Variants in ZNF469 observed in about 807,000 individuals in gnomAD.
ZNF469 encodes the protein zinc finger protein 469.
In ZNF469, 1 loss-of-function variant was observed where a neutral mutation model predicts 1.0. The observed-to-expected ratio is 1.00, with a 90% CI of 0.35 to 4.73. The LOEUF is 4.73. ZNF469 is among the 30% of genes most tolerant of loss of function. The probability of loss-of-function intolerance (pLI) is 0.16; values close to 1 mark genes in which losing one functional copy is unlikely to be tolerated. For synonymous variants in ZNF469, 2,703 were observed against 2,363.4 expected, an observed-to-expected ratio of 1.14 and a Z score of -4.17; for missense variants, 6,100 against 5,356.3, an observed-to-expected ratio of 1.14 and a Z score of -4.33.
chr16:88,137,497 A>G, the ZNF469 span, among the ~76,000 whole-genome samples: 1 of 150,398 alleles, frequency 6.6e-6, no homozygotes, highest in Non-Finnish European at 1.5e-5. Flanking sequence ...TGCACATATG[A>G]CCGTGTGTGC....
At chr16:88,190,045 C>T in the ZNF469 span, among the ~76,000 whole-genome samples, 1 of 126,254 alleles carries the variant, frequency 7.9e-6, no homozygotes, top group South Asian at 2.9e-4. Context: ...CTACTTTTCT[C>T]TCTCTTGTTG....
the ZNF469 span, among the ~76,000 whole-genome samples, chr16:88,184,128 T>G: frequency 1.3e-5 from 2 of 151,964 alleles, no homozygotes; most frequent in African/African-American, 4.8e-5. Context: ...GTGGCCCCCG[T>G]GTAAACAGAC....
intron 1 of ZNF469, among the ~76,000 whole-genome samples, chr16:88,407,914 G>A (rs1003615843): frequency 6.6e-6 from 1 of 152,270 alleles, no homozygotes; most frequent in African/African-American, 2.4e-5. Context: ...ACCCGGCCAT[G>A]CCTGCACGTG....
chr16:88,208,925 C>T, the ZNF469 span, among the ~76,000 whole-genome samples: 2 of 151,694 alleles, frequency 1.3e-5, no homozygotes, highest in African/African-American at 4.8e-5. Flanking sequence ...GGTCTGCCCT[C>T]TACCATTCTC....
At chr16:88,130,192 C>T in the ZNF469 span, among the ~76,000 whole-genome samples, 3 of 152,124 alleles carry the variant, frequency 2.0e-5, no homozygotes, top group African/African-American at 4.8e-5. Context: ...GGGGTGCGTG[C>T]GCAGGAAACG....
At chr16:88,287,276 G>C in the ZNF469 span, among the ~76,000 whole-genome samples, 29 of 152,364 alleles carry the variant, frequency 1.9e-4, no homozygotes, top group African/African-American at 7.0e-4. Context: ...AACGGACACA[G>C]GAGTTTCCAG....
the ZNF469 span, among the ~76,000 whole-genome samples, chr16:88,346,476 C>T: frequency 6.6e-6 from 1 of 152,258 alleles, no homozygotes; most frequent in African/African-American, 2.4e-5. Context: ...AGCCACAGAG[C>T]AAACCCTACA....
chr16:88,322,409 C>G, the ZNF469 span, among the ~76,000 whole-genome samples: 11 of 152,242 alleles, frequency 7.2e-5, no homozygotes, highest in African/African-American at 2.7e-4. Flanking sequence ...TCTCGGGAGC[C>G]CCGCCCTGCC....
In ZNF469 at chr16:88,438,633, C is replaced by T. The variant is rs758259528; in HGVS notation, c.11163C>T (p.Pro3721=). ...GTGGCACAGAGAATGGGATGAAGCC[C>T]GCCACCCCCAAAGCCAAACCCGGCC... The part of the protein sequence containing the change: ...LARGTENGMK[P]ATPKAKPGPS... Residue 3721 remains proline, a synonymous_variant, in exon 3 of 3, where the codon CCC becomes CCT. Transcript: ENST00000565624. 4.8e-5 allele frequency: 75 copies of T among 1,549,930 alleles called. No individual in the cohort carries two copies. The highest frequency in any genetic ancestry group is 3.3e-4 in the Middle Eastern group (2 of 6,014).
At position 88,429,609 on chromosome 16, in the gene ZNF469, C is replaced by T; in HGVS notation, c.2139C>T (p.Pro713=). 3 of 1,548,230 alleles carry T rather than the reference C, an allele frequency of 1.9e-6. No individual in the cohort carries two copies. The East Asian group carries it at 7.3e-5, about 38-fold the overall frequency. Residue 713 remains proline, a synonymous_variant, in exon 3 of 3, where the codon CCC becomes CCT. Coordinates refer to ENST00000565624, the MANE Select transcript of ZNF469 (RefSeq NM_001367624.2). ...QGFPRAPPPY[P]THHFSLSSAS... ...TCCCCCGTGCGCCGCCTCCGTACCCCACACACCACTTCTCCCTCAGCAGCG... is the reference window on the plus strand; with the variant it reads ...TCCCCCGTGCGCCGCCTCCGTACCCTACACACCACTTCTCCCTCAGCAGCG...
the ZNF469 span, among the ~76,000 whole-genome samples, chr16:88,276,925 A>C: frequency 4.7e-5 from 7 of 149,770 alleles, no homozygotes; most frequent in African/African-American, 1.7e-4. Context: ...ACTTATGCTC[A>C]GTCAGTACCA....
chr16:88,392,360 C>T (rs540416932), intron 1 of ZNF469, among the ~76,000 whole-genome samples: 8 of 152,392 alleles, frequency 5.2e-5, no homozygotes, highest in Middle Eastern at 3.4e-3. Flanking sequence ...TGATGCCAAA[C>T]GCCTAGCGTA....
chr16:88,185,058 CACAG>C, the ZNF469 span, among the ~76,000 whole-genome samples: 22 of 149,320 alleles, frequency 1.5e-4, no homozygotes, highest in South Asian at 6.5e-4. Flanking sequence ...GACACCCACG[CACAG>C]ACACTCACAC....
At chr16:88,402,568 G>T (rs1015637287) in intron 1 of ZNF469, among the ~76,000 whole-genome samples, 2 of 152,154 alleles carry the variant, frequency 1.3e-5, no homozygotes, top group African/African-American at 4.8e-5. Flanking sequence ...CCCTCTGTGA[G>T]TAGAGACTTT....
the ZNF469 span, among the ~76,000 whole-genome samples, chr16:88,173,745 A>T: frequency 1.3e-5 from 2 of 152,232 alleles, no homozygotes; most frequent in Non-Finnish European, 2.9e-5. Context: ...CCTACACTCT[A>T]TGTGAAGTGG....
At position 88,440,749 on chromosome 16, in the gene ZNF469, G is replaced by T. The variant is rs1015277559; in HGVS notation, c.*1417G>T. On this transcript the variant is annotated 3_prime_UTR_variant, in exon 3 of 3. Coordinates refer to ENST00000565624, the MANE Select transcript of ZNF469 (RefSeq NM_001367624.2). The stretch of plus-strand genomic sequence containing the variant: ...CAAATATATTCCCACTATTTTCGCA[G>T]AAAACCTCCAGCTGCGTGACGTCTG... The T allele has an allele frequency of 6.6e-6, 1 of 152,084 alleles. No homozygotes were observed. Among genetic ancestry groups the T allele is most frequent in the Non-Finnish European group, 1.5e-5 (1 of 67,998 alleles). The allele number at this position is 152,084 out of a possible 1,614,324, so 9.4% of individuals were successfully genotyped here.
the ZNF469 span, among the ~76,000 whole-genome samples, chr16:88,311,479 A>C: frequency 6.6e-6 from 1 of 152,216 alleles, no homozygotes; most frequent in African/African-American, 2.4e-5. Flanking sequence ...ATTTACCCTG[A>C]TTGGAGAAGC....
At chr16:88,171,221 A>T in the ZNF469 span, among the ~76,000 whole-genome samples, 1 of 152,146 alleles carries the variant, frequency 6.6e-6, no homozygotes, top group Non-Finnish European at 1.5e-5. Context: ...GAATCCCTGA[A>T]ATAATGCAAA....
the ZNF469 span, among the ~76,000 whole-genome samples, chr16:88,372,483 TACCACCATC>T: frequency 7.7e-6 from 1 of 130,282 alleles, no homozygotes; most frequent in African/African-American, 3.0e-5. Context: ...TCACCATGAT[TACCACCATC>T]ACCACCATCA....
Sources: allele counts gnomAD v4.1 joint callset (sites outside exome capture counted in the v4.1 genomes callset), GRCh38; gene constraint gnomAD v4.1.1; transcripts MANE v1.5; gene names NCBI Gene and HGNC (gene_info 2026-07-23, HGNC 2026-07-21).